MECOM: variants seen among roughly 807,000 people sequenced by gnomAD.
MECOM encodes histone-lysine N-methyltransferase MECOM.
A neutral mutation model predicts 116.3 loss-of-function variants in MECOM; 13 were observed. That is an observed-to-expected ratio of 0.11 (90% CI 0.07 to 0.18). The LOEUF (loss-of-function observed/expected upper bound fraction) is 0.18, where lower values mean the gene tolerates loss of function less well. Among genes scored for constraint, MECOM ranks in the 10% least tolerant of loss-of-function variants. The pLI, the probability that MECOM is intolerant of heterozygous loss-of-function variation, is 1.00. For missense variants in MECOM, 1,299 were observed against 1,509.0 expected (o/e 0.86, Z 2.31); for synonymous variants, 528 against 535.2 (o/e 0.99, Z 0.19).
chr3:169,146,036 T>C (rs530309505), intron 2 of MECOM: 27 of 236,970 alleles, frequency 1.1e-4, no homozygotes, highest in Middle Eastern at 2.8e-3. Flanking sequence ...CCCAAATGTC[T>C]TAATCGTGTC....
intron 2 of MECOM, among the ~76,000 whole-genome samples, chr3:169,338,301 T>C (rs1240717556): frequency 2.0e-5 from 3 of 152,174 alleles, no homozygotes; most frequent in Non-Finnish European, 4.4e-5. Context: ...TAAACTGAGC[T>C]AGGTCTCATA....
intron 1 of MECOM, among the ~76,000 whole-genome samples, chr3:169,421,161 A>G (rs1481977594): frequency 6.6e-6 from 1 of 152,160 alleles, no homozygotes; most frequent in East Asian, 1.9e-4. Flanking sequence ...TGTCAAAACC[A>G]GGTAAAAAGG....
chr3:169,527,989 C>T (rs936307796), intron 1 of MECOM, among the ~76,000 whole-genome samples: 2 of 152,072 alleles, frequency 1.3e-5, no homozygotes, highest in Non-Finnish European at 2.9e-5. Flanking sequence ...TTGACTTTGG[C>T]GGCTGCAACA....
intron 1 of MECOM, among the ~76,000 whole-genome samples, chr3:169,634,567 AC>A (rs1386335319): frequency 1.3e-5 from 2 of 152,136 alleles, no homozygotes; most frequent in Non-Finnish European, 2.9e-5. Context: ...GCTCCAGTCA[AC>A]CTTTTTCTCT....
chr3:169,595,138 G>T (rs912299611), intron 1 of MECOM, among the ~76,000 whole-genome samples: 1 of 152,000 alleles, frequency 6.6e-6, no homozygotes, highest in East Asian at 1.9e-4. Flanking sequence ...AATGGTATCT[G>T]CCCATTACTA....
At chr3:169,163,429 T>C (rs1486228397) in intron 2 of MECOM, among the ~76,000 whole-genome samples, 3 of 152,134 alleles carry the variant, frequency 2.0e-5, no homozygotes, top group Admixed American at 6.6e-5. Flanking sequence ...ATTGAAGTAA[T>C]AGAAGTAATA....
intron 15 of MECOM, 42 bp from the exon 16 acceptor site, chr3:169,089,225 T>C (rs1718870396): frequency 7.3e-7 from 1 of 1,377,412 alleles, no homozygotes; most frequent in South Asian, 1.8e-5. Context: ...TTCTTTTCAT[T>C]TGTTATCTAA....
rs570381097 is a variant in MECOM, at chr3:169,334,843, C to T, written c.375+46344G>A. The stretch of plus-strand genomic sequence containing the variant: ...AATGAGCCATGTAATGGAAAAGATG[C>T]AATTCTTCAGATAAGACAGGTGAAA... On this transcript the variant is annotated intron_variant, in intron 2 of 16. Coordinates refer to ENST00000651503, the MANE Select transcript of MECOM (RefSeq NM_004991.4). 2.6e-4 allele frequency among the ~76,000 whole-genome samples: 40 copies of T among 152,222 alleles called. No homozygotes were observed. The South Asian group carries it at 3.1e-3, about 12-fold the overall frequency.
intron 1 of MECOM, among the ~76,000 whole-genome samples, chr3:169,628,439 T>TA (rs1487192418): frequency 2.6e-5 from 4 of 152,258 alleles, no homozygotes; most frequent in African/African-American, 9.6e-5. Context: ...TGTTAGAGGT[T>TA]ACACTCATCA....
intron 2 of MECOM, among the ~76,000 whole-genome samples, chr3:169,248,328 T>C (rs1755841313): frequency 6.6e-6 from 1 of 152,210 alleles, no homozygotes; most frequent in Non-Finnish European, 1.5e-5. Context: ...TACTTCCTTG[T>C]GTCCTCCTAA....
chr3:169,620,456 T>C (rs1043925408), intron 1 of MECOM, among the ~76,000 whole-genome samples: 1 of 152,228 alleles, frequency 6.6e-6, no homozygotes, highest in African/African-American at 2.4e-5. Context: ...GCTCTTTCAT[T>C]TTAGTCATCT....
At chr3:169,466,354 A>G (rs2108762200) in intron 1 of MECOM, among the ~76,000 whole-genome samples, 1 of 152,290 alleles carries the variant, frequency 6.6e-6, no homozygotes. Context: ...CTCCCAGTGA[A>G]GGCTCTGCGC....
intron 2 of MECOM, among the ~76,000 whole-genome samples, chr3:169,164,387 T>A (rs1743260644): frequency 1.3e-5 from 2 of 152,308 alleles, no homozygotes; most frequent in South Asian, 4.1e-4. Context: ...GAATGGTATG[T>A]CTAATAAACC....
intron 1 of MECOM, among the ~76,000 whole-genome samples, chr3:169,476,490 G>A (rs536127624): frequency 5.9e-5 from 9 of 152,260 alleles, no homozygotes; most frequent in East Asian, 3.9e-4. Context: ...TGACAGGTGC[G>A]GAGAGAGCTT....
At chr3:169,598,273 C>T (rs761706827) in intron 1 of MECOM, among the ~76,000 whole-genome samples, 1 of 152,116 alleles carries the variant, frequency 6.6e-6, no homozygotes, top group Non-Finnish European at 1.5e-5. Flanking sequence ...AAACCAGGTG[C>T]CAATTTTAAA....
intron 10 of MECOM, among the ~76,000 whole-genome samples, chr3:169,103,589 T>C (rs183106067): frequency 1.3e-5 from 2 of 152,264 alleles, no homozygotes; most frequent in East Asian, 3.9e-4. Flanking sequence ...CACTGCAAAT[T>C]CAAACAACTG....
intron 2 of MECOM, among the ~76,000 whole-genome samples, chr3:169,197,674 G>A (rs1485367513): frequency 6.6e-6 from 1 of 151,932 alleles, no homozygotes; most frequent in African/African-American, 2.4e-5. Flanking sequence ...CTACAGAAAG[G>A]GAAATGGACT....
chr3:169,474,589 A>C (rs1750059481), intron 1 of MECOM, among the ~76,000 whole-genome samples: 1 of 152,172 alleles, frequency 6.6e-6, no homozygotes, highest in South Asian at 2.1e-4. Context: ...CCTAATGCTA[A>C]AAACTCTATT....
chr3:169,408,586 T>A (rs1048122733), intron 1 of MECOM, among the ~76,000 whole-genome samples: 2 of 152,234 alleles, frequency 1.3e-5, no homozygotes, highest in South Asian at 2.1e-4. Context: ...TTTTTTTAGA[T>A]GTGTTCTTTA....
Sources: gnomAD v4.1 joint callset for allele counts (sites outside exome capture counted in the v4.1 genomes callset) on GRCh38, gnomAD v4.1.1 for gene constraint, MANE v1.5 for transcripts, NCBI Gene and HGNC (gene_info 2026-07-23, HGNC 2026-07-21) for gene names.